PTPRS: variants seen among roughly 807,000 people sequenced by gnomAD.
PTPRS encodes the protein protein tyrosine phosphatase receptor type S.
A neutral mutation model predicts 215.3 loss-of-function variants in PTPRS; 63 were observed. The ratio of observed to expected loss-of-function variants is 0.29; its 90% confidence interval spans 0.24 to 0.36. The LOEUF (loss-of-function observed/expected upper bound fraction) is 0.36. Ranked by LOEUF, PTPRS falls within the 10% of genes least tolerant of loss-of-function variation. The probability of loss-of-function intolerance (pLI) is 1.00; values close to 1 mark genes in which losing one functional copy is unlikely to be tolerated. For missense variants in PTPRS, 2,258 were observed against 2,825.8 expected (o/e 0.80, Z 4.56); for synonymous variants, 1,404 against 1,191.4 (o/e 1.18, Z -3.68).
chr19:5,215,028 G>A (rs1405163445), intron 28 of PTPRS, among the ~76,000 whole-genome samples: 2 of 152,256 alleles, frequency 1.3e-5, no homozygotes, highest in East Asian at 1.9e-4. Context: ...AACCAAAGAT[G>A]TCCCTGGACA....
chr19:5,219,203 G>T, intron 23 of PTPRS, 107 bp downstream of exon 23: 1 of 1,449,748 alleles, frequency 6.9e-7, no homozygotes, highest in Non-Finnish European at 9.5e-7. Flanking sequence ...GTTTCCCCAT[G>T]TGTACAACAG....
In PTPRS at chr19:5,257,752, A is replaced by G. The variant is rs1032089669; in HGVS notation, c.706+265T>C. 6.6e-6 allele frequency among the ~76,000 whole-genome samples: 1 copy of G among 152,078 alleles called. No individual in the cohort carries two copies. Among genetic ancestry groups the G allele is most frequent in the African/African-American group, 2.4e-5 (1 of 41,420 alleles). The stretch of plus-strand genomic sequence containing the variant: ...CTGCCCCACGCCTTCCTACCCCACC[A>G]TCACTGCCTCCCCAGAGCCTGCTGC... On this transcript the variant is annotated intron_variant, in intron 8 of 37. Transcript: ENST00000262963. The surrounding 1 kb of genome is among the most constrained non-coding windows in gnomAD (Gnocchi z 4.4).
At chr19:5,274,039 C>A (rs940054183) in intron 3 of PTPRS, among the ~76,000 whole-genome samples, 160 bp downstream of exon 3, 3 of 152,138 alleles carry the variant, frequency 2.0e-5, no homozygotes, top group Non-Finnish European at 4.4e-5. Flanking sequence ...GCAAGTAAGG[C>A]GGGCAGGGCC....
Position 5,277,779 on chromosome 19 carries a change from A to G in PTPRS, c.92-3435T>C, listed in dbSNP as rs1411140400. On this transcript the variant is annotated intron_variant, in intron 2 of 37. Transcript: ENST00000262963. ...CATGAAGCCCAAGATCGTCAAAAAG[A>G]GGATCAAGGCGTTCATCCGGCACCA... 5.5e-6 allele frequency: 4 copies of G among 730,372 alleles called. No homozygotes were observed. In the African/African-American group the frequency reaches 6.9e-5, roughly 13 times the overall value. The allele number at this position is 730,372 out of a possible 1,614,324, so 45.2% of individuals were successfully genotyped here.
intron 2 of PTPRS, chr19:5,277,993 T>C (rs1231092517): frequency 3.0e-6 from 4 of 1,339,232 alleles, no homozygotes; most frequent in African/African-American, 1.4e-5. Context: ...GAGCTGGAAG[T>C]GCTGATGTGC....
In PTPRS at chr19:5,257,928, CG is replaced by C; in HGVS notation, c.706+88del. 1.8e-6 allele frequency: 2 copies of C among 1,135,748 alleles called. No homozygotes were observed. Among genetic ancestry groups the C allele is most frequent in the Admixed American group, 1.9e-5 (1 of 52,962 alleles). The allele number at this position is 1,135,748 out of a possible 1,614,324, so 70.4% of individuals were successfully genotyped here. A position where few individuals can be genotyped will look rare whatever the true frequency, so the allele number is the denominator to read the frequency against. ...CCTTCCTGCTTGGGTGTGCAGGGGACGGGGGAGCCCGGAGGCGGTGAGCCCG... is the reference window on the plus strand; with the variant it reads ...CCTTCCTGCTTGGGTGTGCAGGGGACGGGGAGCCCGGAGGCGGTGAGCCCG... On this transcript the variant is annotated intron_variant, in intron 8 of 37. Coordinates refer to ENST00000262963, the MANE Select transcript of PTPRS (RefSeq NM_002850.4). The surrounding 1 kb of genome is among the most constrained non-coding windows in gnomAD (Gnocchi z 4.4).
Position 5,294,949 on chromosome 19 carries a change from C to T in PTPRS, c.-94-8715G>A, listed in dbSNP as rs1323656248. Among the ~76,000 whole-genome samples, 1 of 152,212 alleles carries T rather than the reference C, an allele frequency of 6.6e-6. No homozygotes were observed. The highest frequency in any genetic ancestry group is 1.5e-5 in the Non-Finnish European group (1 of 68,036). ...AGTAGGTGCTTCATGGAGGAGGCTG[C>T]CTGGTGCCCCAGCATCACCAAAGGC... On this transcript the variant is annotated intron_variant, in intron 1 of 37. Coordinates refer to ENST00000262963, the MANE Select transcript of PTPRS (RefSeq NM_002850.4). This position sits in a 1 kb window ranked among gnomAD's most constrained non-coding sequence, Gnocchi z 5.1.
intron 1 of PTPRS, among the ~76,000 whole-genome samples, chr19:5,333,964 C>A (rs1279918401): frequency 6.8e-6 from 1 of 146,224 alleles, no homozygotes; most frequent in African/African-American, 2.5e-5. Context: ...CCCCAAATCC[C>A]CCCCAAACTC....
intron 1 of PTPRS, among the ~76,000 whole-genome samples, chr19:5,296,976 C>G (rs948186922): frequency 6.6e-6 from 1 of 152,128 alleles, no homozygotes; most frequent in African/African-American, 2.4e-5. Flanking sequence ...ATAGAATTTT[C>G]TAAACGGCTC....
At chr19:5,264,519 C>T (rs1174278744) in intron 5 of PTPRS, among the ~76,000 whole-genome samples, 1 of 152,182 alleles carries the variant, frequency 6.6e-6, no homozygotes, top group Non-Finnish European at 1.5e-5. Context: ...CTACATTGCC[C>T]ATGCTGGTCT....
Position 5,265,140 on chromosome 19 carries a change from C to A in PTPRS, c.436G>T (p.Val146Leu). The change falls in exon 5 of 38, where the codon GTG (valine) becomes TTG (leucine). Residue 146 changes from valine to leucine, a missense_variant. Val to Leu is a conservative substitution (Grantham distance 32). Coordinates refer to ENST00000262963, the MANE Select transcript of PTPRS (RefSeq NM_002850.4). ...NIDMGPQLKV[V>L]ERTRTATMLC... The stretch of plus-strand genomic sequence containing the variant: ...ATGGTGGCTGTCCGTGTCCGCTCCA[C>A]CACCTTCAACTGTGGGCCCATGTCG... The A allele has an allele frequency of 1.9e-6, 3 of 1,614,118 alleles. No individual in the cohort carries two copies. Among genetic ancestry groups the A allele is most frequent in the Non-Finnish European group, 2.5e-6 (3 of 1,180,016 alleles).
intron 2 of PTPRS, among the ~76,000 whole-genome samples, chr19:5,278,886 C>T (rs967322166): frequency 7.2e-5 from 11 of 151,800 alleles, no homozygotes; most frequent in African/African-American, 2.7e-4. Context: ...TACCGTTGTA[C>T]GATTTTTTAA....
At chr19:5,258,866 A>AT in intron 7 of PTPRS, among the ~76,000 whole-genome samples, 1 of 152,198 alleles carries the variant, frequency 6.6e-6, no homozygotes, top group East Asian at 1.9e-4. Context: ...TTCCCCAAGT[A>AT]TTTTAAGTCA....
chr19:5,266,653 C>T (rs1286219937), intron 4 of PTPRS, among the ~76,000 whole-genome samples: 1 of 152,088 alleles, frequency 6.6e-6, no homozygotes, highest in African/African-American at 2.4e-5. Flanking sequence ...GTGTGAGCCA[C>T]AGCCCCACCT....
chr19:5,229,216 C>T, intron 16 of PTPRS, 100 bp downstream of exon 16: 1 of 1,236,518 alleles, frequency 8.1e-7, no homozygotes, highest in Non-Finnish European at 1.0e-6. Flanking sequence ...GAGGAGGAGA[C>T]CGTTTTACTA....
intron 20 of PTPRS, among the ~76,000 whole-genome samples, chr19:5,220,763 G>A (rs2041909867): frequency 6.6e-6 from 1 of 152,172 alleles, no homozygotes; most frequent in Non-Finnish European, 1.5e-5. Context: ...GTAATACCCA[G>A]TGGAGGGTCA....
intron 30 of PTPRS, 150 bp from the exon 31 acceptor site, chr19:5,212,641 C>T (rs755415756): frequency 3.4e-5 from 28 of 816,080 alleles, no homozygotes; most frequent in East Asian, 5.4e-5. Context: ...GTCAGGAGTT[C>T]GAGACCAGCC....
chr19:5,242,208 C>A (rs1039527882), intron 11 of PTPRS, among the ~76,000 whole-genome samples: 5 of 151,860 alleles, frequency 3.3e-5, no homozygotes, highest in African/African-American at 7.3e-5. Context: ...TCTTAAAACT[C>A]AAATGCCAAC....
At chr19:5,326,209 C>T (rs569116205) in intron 1 of PTPRS, among the ~76,000 whole-genome samples, 65 of 151,254 alleles carry the variant, frequency 4.3e-4, no homozygotes, top group African/African-American at 1.5e-3. Flanking sequence ...CCAGCCTGGG[C>T]GACAGAGTGA....
Sources: allele counts gnomAD v4.1 joint callset (sites outside exome capture counted in the v4.1 genomes callset), GRCh38; gene constraint gnomAD v4.1.1; non-coding constraint Gnocchi (gnomAD v3.1); transcripts MANE v1.5; gene names NCBI Gene and HGNC (gene_info 2026-07-23, HGNC 2026-07-21).